Variants in ERC1 observed in about 807,000 individuals in gnomAD.
ERC1 encodes the protein RAB6 interacting protein 2.
In ERC1, 56 loss-of-function variants were observed where a neutral mutation model predicts 132.0. The observed-to-expected ratio is 0.42, with a 90% CI of 0.34 to 0.53. ERC1 has a LOEUF of 0.53. Ranked by LOEUF, ERC1 falls within the 20% of genes least tolerant of loss-of-function variation. The probability of loss-of-function intolerance (pLI) is 0.03; values close to 1 mark genes in which losing one functional copy is unlikely to be tolerated. For synonymous variants in ERC1, 478 were observed against 476.1 expected, an observed-to-expected ratio of 1.00 and a Z score of -0.05; for missense variants, 1,202 against 1,349.9, an observed-to-expected ratio of 0.89 and a Z score of 1.72.
chr12:1,003,486 A>G (rs1962872077), intron 1 of ERC1, among the ~76,000 whole-genome samples: 1 of 152,186 alleles, frequency 6.6e-6, no homozygotes, highest in Non-Finnish European at 1.5e-5. Context: ...TGGCTTTCCA[A>G]CTTACATAAC....
At chr12:1,434,706 A>G (rs775455997) in intron 17 of ERC1, among the ~76,000 whole-genome samples, 2 of 152,198 alleles carry the variant, frequency 1.3e-5, no homozygotes, top group African/African-American at 2.4e-5. Flanking sequence ...GATGGGTGTT[A>G]CATACACCCA....
At chr12:1,400,650 A>C (rs1282522905) in intron 16 of ERC1, among the ~76,000 whole-genome samples, 1 of 151,958 alleles carries the variant, frequency 6.6e-6, no homozygotes, top group African/African-American at 2.4e-5. Flanking sequence ...TTGCATGTCT[A>C]TTTCTATTTG....
intron 15 of ERC1, among the ~76,000 whole-genome samples, chr12:1,344,615 C>G (rs1433865812): frequency 6.6e-6 from 1 of 152,196 alleles, no homozygotes; most frequent in African/African-American, 2.4e-5. Context: ...AAAAAGAAAT[C>G]TAAAACCCAG....
At chr12:1,331,481 G>A (rs1485057898) in intron 15 of ERC1, among the ~76,000 whole-genome samples, 1 of 152,206 alleles carries the variant, frequency 6.6e-6, no homozygotes, top group Non-Finnish European at 1.5e-5. Flanking sequence ...GGTACCATGA[G>A]CATTTCCAGT....
intron 15 of ERC1, among the ~76,000 whole-genome samples, 182 bp from the exon 16 acceptor site, chr12:1,371,651 T>C (rs2087249086): frequency 6.8e-6 from 1 of 146,748 alleles, no homozygotes; most frequent in Non-Finnish European, 1.5e-5. Context: ...TTGGTTTTAT[T>C]ACCCTCAAAA....
At chr12:1,084,717 G>A (rs1041624666) in intron 3 of ERC1, among the ~76,000 whole-genome samples, 11 of 151,298 alleles carry the variant, frequency 7.3e-5, no homozygotes, top group African/African-American at 1.9e-4. Flanking sequence ...TTAGAGATAG[G>A]GTCTCACTCT....
Position 1,196,992 on chromosome 12 carries a change from T to A in ERC1, c.2351+6940T>A, listed in dbSNP as rs1487968525. 3.2e-3 allele frequency among the ~76,000 whole-genome samples: 439 copies of A among 135,420 alleles called. 22 individuals are homozygous for A. The highest frequency in any genetic ancestry group is 0.011 in the African/African-American group (384 of 34,018). 88.8% of individuals were successfully genotyped at this position (135,420 alleles called of 152,430 possible). A position where few individuals can be genotyped will look rare whatever the true frequency, so the allele number is the denominator to read the frequency against. ...TATATATATATTTTTTTTTTTTTTT[T>A]TTTTTTAAGACAGATTTTCCCTCTG... is the stretch of plus-strand genomic sequence containing the variant. On this transcript the variant is annotated intron_variant, in intron 12 of 18. Transcript: ENST00000360905.
Position 1,247,600 on chromosome 12 carries a change from T to C in ERC1, c.2487+10696T>C, listed in dbSNP as rs2076231962. ...TTTAAAAATGTCTTACTACCAAAATTAACATAACAGGTTAGTTAGCTCAGG... is the reference window on the plus strand; with the variant it reads ...TTTAAAAATGTCTTACTACCAAAATCAACATAACAGGTTAGTTAGCTCAGG... On this transcript the variant is annotated intron_variant, in intron 13 of 18. Transcript: ENST00000360905. Among the ~76,000 whole-genome samples, 2 of 152,240 alleles carry C rather than the reference T, an allele frequency of 1.3e-5. 1 individual carries two copies. Among genetic ancestry groups the C allele is most frequent in the South Asian group, 4.1e-4 (2 of 4,836 alleles).
At chr12:1,028,867 CA>C (rs1412703516) in intron 2 of ERC1, among the ~76,000 whole-genome samples, 1 of 92,920 alleles carries the variant, frequency 1.1e-5, no homozygotes, top group Non-Finnish European at 2.5e-5. Flanking sequence ...TTTTTTTTTC[CA>C]ATTCTTCTGA....
chr12:1,014,541 G>A (rs931985803), intron 1 of ERC1, among the ~76,000 whole-genome samples: 3 of 152,252 alleles, frequency 2.0e-5, no homozygotes, highest in East Asian at 3.9e-4. Context: ...AAGTATGTAA[G>A]TAAGGAAAAA....
chr12:1,407,058 T>C (rs1284752756), intron 16 of ERC1, among the ~76,000 whole-genome samples: 5 of 152,174 alleles, frequency 3.3e-5, no homozygotes, highest in Admixed American at 6.5e-5. Flanking sequence ...CTCTGCAGAG[T>C]TAATTTTTCT....
chr12:1,342,882 A>G (rs1321487883), intron 15 of ERC1, among the ~76,000 whole-genome samples: 1 of 152,210 alleles, frequency 6.6e-6, no homozygotes, highest in South Asian at 2.1e-4. Flanking sequence ...GATCCAATCC[A>G]TATTTCAGGA....
intron 2 of ERC1, among the ~76,000 whole-genome samples, chr12:1,067,040 T>C (rs1352474012): frequency 6.6e-6 from 1 of 152,140 alleles, no homozygotes; most frequent in Non-Finnish European, 1.5e-5. Flanking sequence ...ACTCTTGGGC[T>C]CAAGCAATCT....
intron 13 of ERC1, among the ~76,000 whole-genome samples, chr12:1,250,858 T>A (rs2076428206): frequency 6.6e-6 from 1 of 152,182 alleles, no homozygotes; most frequent in South Asian, 2.1e-4. Flanking sequence ...AGTATCTGAA[T>A]TTAACCTTGA....
At chr12:1,180,293 G>A (rs889836426) in intron 8 of ERC1, among the ~76,000 whole-genome samples, 10 of 127,336 alleles carry the variant, frequency 7.9e-5, no homozygotes, top group Middle Eastern at 3.6e-3. Flanking sequence ...GCGCGCACGC[G>A]TGTGCGCGCG....
At chr12:1,008,154 CAGGTATA>C (rs1396720530) in intron 1 of ERC1, among the ~76,000 whole-genome samples, 1 of 152,194 alleles carries the variant, frequency 6.6e-6, no homozygotes, top group Non-Finnish European at 1.5e-5. Context: ...ACCCAGTCAT[CAGGTATA>C]GGACGTTTCT....
intron 7 of ERC1, among the ~76,000 whole-genome samples, chr12:1,119,742 G>A (rs889285280): frequency 4.6e-5 from 7 of 152,070 alleles, no homozygotes; most frequent in African/African-American, 1.7e-4. Flanking sequence ...TAGAGATGGG[G>A]TTTCTCCCTG....
chr12:1,050,647 C>T (rs1321939115), intron 2 of ERC1, among the ~76,000 whole-genome samples: 1 of 152,118 alleles, frequency 6.6e-6, no homozygotes, highest in Non-Finnish European at 1.5e-5. Flanking sequence ...TTTTAAAAAA[C>T]TGAATCTTAT....
chr12:1,219,558 A>G (rs1404567741), intron 12 of ERC1, among the ~76,000 whole-genome samples: 2 of 151,756 alleles, frequency 1.3e-5, no homozygotes, highest in African/African-American at 4.9e-5. Flanking sequence ...AAATTACTGC[A>G]GCTGTTTTCC....
Sources: allele counts gnomAD v4.1 joint callset (sites outside exome capture counted in the v4.1 genomes callset), GRCh38; gene constraint gnomAD v4.1.1; transcripts MANE v1.5; gene names NCBI Gene and HGNC (gene_info 2026-07-23, HGNC 2026-07-21).